The following FBXL2 variants were observed in gnomAD, a reference collection of about 807,000 sequenced individuals.
FBXL2 encodes the protein F-box and leucine rich repeat protein 2.
FBXL2 carries 38 observed loss-of-function variants against 69.2 expected under a neutral mutation model. The ratio of observed to expected loss-of-function variants is 0.55; its 90% CI spans 0.42 to 0.72. The LOEUF (loss-of-function observed/expected upper bound fraction) is 0.72, where lower values mean the gene tolerates loss of function less well. Among genes scored for constraint, FBXL2 ranks in the 30% least tolerant of loss-of-function variants. The pLI, the probability that FBXL2 is intolerant of heterozygous loss-of-function variation, is 0.00. For missense variants in FBXL2, 354 were observed against 520.3 expected, an observed-to-expected ratio of 0.68 and a Z score of 3.11; for synonymous variants, 192 against 201.3, an observed-to-expected ratio of 0.95 and a Z score of 0.39.
intron 2 of FBXL2, among the ~76,000 whole-genome samples, chr3:33,320,353 A>G (rs1345380330): frequency 3.3e-5 from 5 of 152,206 alleles, no homozygotes; most frequent in Non-Finnish European, 7.3e-5. Flanking sequence ...GGGGAAAATA[A>G]AGAAATTGGA....
intron 12 of FBXL2, chr3:33,402,912 C>G (rs746167021): frequency 7.5e-6 from 12 of 1,594,002 alleles, no homozygotes; most frequent in Non-Finnish European, 1.7e-6. Context: ...ACACTAAGGA[C>G]AGAAACAGAA....
the FBXL2 span, chr3:33,409,649 T>C: frequency 6.2e-7 from 1 of 1,612,036 alleles, no homozygotes. Flanking sequence ...TTCCACTGGT[T>C]ATTTTTCTAT....
chr3:33,326,656 A>G (rs2038722753), intron 2 of FBXL2, among the ~76,000 whole-genome samples: 1 of 152,154 alleles, frequency 6.6e-6, no homozygotes, highest in African/African-American at 2.4e-5. Context: ...TGGTAAAATA[A>G]TGGTTTTTTA....
At position 33,384,985 on chromosome 3, in the gene FBXL2, G is replaced by A. The variant is rs145169526; in HGVS notation, c.1165-516G>A. Among the ~76,000 whole-genome samples, 1,167 of 152,152 alleles carry A rather than the reference G, an allele frequency of 7.7e-3. 32 individuals carry two copies. Among genetic ancestry groups the A allele is most frequent in the Admixed American group, 0.048 (731 of 15,288 alleles). On this transcript the variant is annotated intron_variant, in intron 14 of 14. Transcript: ENST00000484457. Reference sequence around the variant, plus strand: ...GGAGGTTGCAGTGAGCTGAGATTGCGCCATTGCACTCCAGCCTGGGCGACA... The same window carrying A: ...GGAGGTTGCAGTGAGCTGAGATTGCACCATTGCACTCCAGCCTGGGCGACA...
At chr3:33,379,961 G>A (rs548856480) in intron 13 of FBXL2, among the ~76,000 whole-genome samples, 4 of 152,208 alleles carry the variant, frequency 2.6e-5, no homozygotes, top group Admixed American at 6.5e-5. Context: ...GGCTGGGCAC[G>A]GTGGCTCACA....
intron 2 of FBXL2, among the ~76,000 whole-genome samples, chr3:33,326,257 T>C (rs1170628900): frequency 6.6e-6 from 1 of 152,052 alleles, no homozygotes; most frequent in African/African-American, 2.4e-5. Context: ...TCCCAGCACT[T>C]TGGGAGGCCG....
intron 2 of FBXL2, among the ~76,000 whole-genome samples, chr3:33,331,554 T>G (rs1377049025): frequency 1.3e-5 from 2 of 152,154 alleles, no homozygotes; most frequent in Non-Finnish European, 2.9e-5. Flanking sequence ...AGAAATCTAG[T>G]GGTATTTATA....
intron 2 of FBXL2, among the ~76,000 whole-genome samples, chr3:33,338,359 C>T (rs557243669): frequency 6.6e-6 from 1 of 152,140 alleles, no homozygotes; most frequent in Non-Finnish European, 1.5e-5. Context: ...TTGCAGTGAG[C>T]CAAGATCACG....
chr3:33,408,007 T>A (rs1395636282), downstream of FBXL2, among the ~76,000 whole-genome samples: 1 of 152,194 alleles, frequency 6.6e-6, no homozygotes, highest in Non-Finnish European at 1.5e-5. Flanking sequence ...AGATGCCCCC[T>A]GACTGCATAT....
chr3:33,396,894 A>C, intron 12 of FBXL2: 1 of 757,060 alleles, frequency 1.3e-6, no homozygotes, highest in Non-Finnish European at 2.3e-6. Flanking sequence ...GGTGTACACA[A>C]AACAGTCTTC....
chr3:33,349,017 G>A (rs1034159269), intron 2 of FBXL2, among the ~76,000 whole-genome samples: 12 of 152,042 alleles, frequency 7.9e-5, no homozygotes, highest in Non-Finnish European at 1.3e-4. Flanking sequence ...TTTTTTGGTG[G>A]AATGTTTAGG....
intron 5 of FBXL2, among the ~76,000 whole-genome samples, chr3:33,365,721 C>CCAAACAAA (rs368354903): frequency 1.6e-4 from 22 of 138,108 alleles, no homozygotes; most frequent in East Asian, 2.4e-4. Flanking sequence ...GACTCTTCGA[C>CCAAACAAA]CAAACAAACA....
the FBXL2 span, among the ~76,000 whole-genome samples, chr3:33,415,803 A>T: frequency 1.6e-3 from 248 of 152,194 alleles, 1 homozygote; most frequent in Admixed American, 2.7e-3. Context: ...CAATCAGAGA[A>T]AGCACATTGC....
chr3:33,315,250 T>C (rs1456316555), intron 2 of FBXL2, among the ~76,000 whole-genome samples: 26 of 151,724 alleles, frequency 1.7e-4, no homozygotes, highest in Non-Finnish European at 2.9e-5. Context: ...TTTTTTTCCT[T>C]TCTTTCTTTT....
At chr3:33,400,124 TAATA>T in intron 12 of FBXL2, 7 of 1,114,412 alleles carry the variant, frequency 6.3e-6, no homozygotes, top group Non-Finnish European at 8.5e-6. Context: ...AATATAAAGT[TAATA>T]AAAGCACAGA....
At chr3:33,416,455 C>T in the FBXL2 span, among the ~76,000 whole-genome samples, 2 of 152,154 alleles carry the variant, frequency 1.3e-5, no homozygotes, top group Non-Finnish European at 2.9e-5. Context: ...CCAACATTGA[C>T]ATTCTTCCCC....
intron 2 of FBXL2, among the ~76,000 whole-genome samples, chr3:33,331,473 CT>C (rs1303932116): frequency 6.6e-6 from 1 of 152,118 alleles, no homozygotes; most frequent in African/African-American, 2.4e-5. Context: ...CTCCCTCCCC[CT>C]GTTCTTCTTA....
At chr3:33,369,674 A>G (rs1054125266) in intron 5 of FBXL2, among the ~76,000 whole-genome samples, 3 of 152,024 alleles carry the variant, frequency 2.0e-5, no homozygotes, top group African/African-American at 7.2e-5. Context: ...GTGCAGTACC[A>G]TGGTCTAGGC....
chr3:33,327,063 TTC>T (rs1294446415), intron 2 of FBXL2, among the ~76,000 whole-genome samples: 2 of 152,202 alleles, frequency 1.3e-5, no homozygotes, highest in African/African-American at 2.4e-5. Flanking sequence ...CTGCTGATAG[TTC>T]TGTTAATTCA....
Sources: gnomAD v4.1 joint callset for allele counts (sites outside exome capture counted in the v4.1 genomes callset) on GRCh38, gnomAD v4.1.1 for gene constraint, MANE v1.5 for transcripts, NCBI Gene and HGNC (gene_info 2026-07-23, HGNC 2026-07-21) for gene names.